FSTL5: variants seen among roughly 807,000 people sequenced by gnomAD.
FSTL5 encodes follistatin-related protein 5.
A neutral mutation model predicts 89.1 loss-of-function variants in FSTL5; 62 were observed. The observed-to-expected ratio is 0.70, with a 90% CI of 0.57 to 0.86. The LOEUF is 0.86. Ranked by LOEUF, FSTL5 falls within the 40% of genes least tolerant of loss-of-function variation. The pLI is 0.00. For missense variants in FSTL5, 1,057 were observed against 1,001.6 expected (o/e 1.06, Z -0.75); for synonymous variants, 383 against 346.2 (o/e 1.11, Z -1.18).
intron 10 of FSTL5, among the ~76,000 whole-genome samples, chr4:161,522,013 T>C (rs1364959701): frequency 6.6e-6 from 1 of 152,044 alleles, no homozygotes; most frequent in Non-Finnish European, 1.5e-5. Flanking sequence ...CATGCTAGAA[T>C]ATGACAAATA....
chr4:161,846,343 T>A (rs1731368741), intron 4 of FSTL5, among the ~76,000 whole-genome samples: 1 of 152,084 alleles, frequency 6.6e-6, no homozygotes, highest in South Asian at 2.1e-4. Context: ...AATTTAGTAC[T>A]TAAATTTGTG....
intron 2 of FSTL5, among the ~76,000 whole-genome samples, chr4:162,041,480 A>AAT (rs143465916): frequency 0.028 from 4,221 of 150,578 alleles, 52 homozygotes; most frequent in African/African-American, 0.031. Flanking sequence ...TAGCCTAATG[A>AAT]ATATATATAT....
At chr4:161,773,197 G>T (rs187242063) in intron 5 of FSTL5, among the ~76,000 whole-genome samples, 1 of 152,256 alleles carries the variant, frequency 6.6e-6, no homozygotes, top group East Asian at 1.9e-4. Flanking sequence ...ATCAACTCAA[G>T]ATGGATCAAG....
chr4:161,976,525 AG>A (rs1735650777), intron 3 of FSTL5, among the ~76,000 whole-genome samples: 1 of 152,114 alleles, frequency 6.6e-6, no homozygotes, highest in Non-Finnish European at 1.5e-5. Flanking sequence ...TCTGTCGCCC[AG>A]GCTGGAGTGC....
intron 8 of FSTL5, among the ~76,000 whole-genome samples, chr4:161,564,791 G>A (rs1362718915): frequency 6.6e-6 from 1 of 151,602 alleles, no homozygotes; most frequent in African/African-American, 2.4e-5. Context: ...GGTGTCAGGA[G>A]TGGTGTTATC....
rs145235837 is a variant in FSTL5 at position 162,155,397 on chromosome 4, A to G, written c.-17+8218T>C. Among the ~76,000 whole-genome samples, 3 of 152,290 alleles carry G rather than the reference A, an allele frequency of 2.0e-5. No individual in the cohort carries two copies. In the East Asian group the frequency reaches 5.8e-4, roughly 29 times the overall value. On this transcript the variant is annotated intron_variant, in intron 1 of 15. Coordinates refer to ENST00000306100, the MANE Select transcript of FSTL5 (RefSeq NM_020116.5). ...TGATCTTGGAGAATCTCAAGCCTCA[A>G]ATAAAAACCCAGGGCTGGCAGAAAC...
intron 8 of FSTL5, 50 bp from the exon 9 acceptor site, chr4:161,542,743 T>G: frequency 7.8e-7 from 1 of 1,285,262 alleles, no homozygotes; most frequent in Non-Finnish European, 1.0e-6. Context: ...ATATTTTCTA[T>G]TTAATTTTCC....
intron 2 of FSTL5, among the ~76,000 whole-genome samples, chr4:162,095,858 G>A (rs1455157128): frequency 2.0e-5 from 3 of 151,916 alleles, no homozygotes; most frequent in South Asian, 2.1e-4. Context: ...AAATACACAC[G>A]TTACATGTGT....
At chr4:161,875,682 C>G (rs2010873) in intron 4 of FSTL5, among the ~76,000 whole-genome samples, 145,620 of 152,284 alleles carry the variant, frequency 0.96, 69,918 homozygotes, top group Non-Finnish European at 1. Flanking sequence ...TCTTTGCTTT[C>G]CTGGATGTTT....
chr4:161,614,903 C>G (rs1734788654), intron 7 of FSTL5, among the ~76,000 whole-genome samples: 1 of 152,070 alleles, frequency 6.6e-6, no homozygotes, highest in Non-Finnish European at 1.5e-5. Flanking sequence ...TTATCTATTG[C>G]TACCTCTTAT....
intron 8 of FSTL5, among the ~76,000 whole-genome samples, chr4:161,582,107 A>G (rs942953501): frequency 2.0e-5 from 3 of 152,200 alleles, no homozygotes; most frequent in African/African-American, 7.2e-5. Flanking sequence ...ATAGACTTTT[A>G]TTTGGCTTAT....
At chr4:162,114,384 G>T (rs557335369) in intron 1 of FSTL5, among the ~76,000 whole-genome samples, 1 of 152,122 alleles carries the variant, frequency 6.6e-6, no homozygotes, top group Non-Finnish European at 1.5e-5. Flanking sequence ...AGTCAAGAAA[G>T]AGGCATGAAA....
Position 162,141,125 on chromosome 4 carries a change from T to C in FSTL5, c.-17+22490A>G, listed in dbSNP as rs1238177223. Among the ~76,000 whole-genome samples the C allele has an allele frequency of 6.8e-5, 7 of 103,562 alleles. 1 individual carries two copies. In the South Asian group the frequency reaches 2.0e-3, roughly 29 times the overall value. The allele number at this position is 103,562 out of a possible 152,430, so 67.9% of individuals were successfully genotyped here. ...TTCTCTCTTTTTTTTTTTTTTTTTTTTTTTTTTTTGAGACGGAGTTTCGCT... is the reference window on the plus strand; with the variant it reads ...TTCTCTCTTTTTTTTTTTTTTTTTTCTTTTTTTTTGAGACGGAGTTTCGCT... On this transcript the variant is annotated intron_variant, in intron 1 of 15. Transcript: ENST00000306100.
chr4:161,479,166 T>C (rs1316466507), intron 13 of FSTL5, among the ~76,000 whole-genome samples: 2 of 152,086 alleles, frequency 1.3e-5, no homozygotes, highest in African/African-American at 4.8e-5. Context: ...ATCTCCACAA[T>C]CATGATTGTA....
At chr4:162,125,836 C>A (rs940282277) in intron 1 of FSTL5, among the ~76,000 whole-genome samples, 1 of 151,910 alleles carries the variant, frequency 6.6e-6, no homozygotes, top group African/African-American at 2.4e-5. Flanking sequence ...ATTAAGATTG[C>A]TAATATATTT....
At chr4:161,541,657 TC>T (rs1731822320) in intron 9 of FSTL5, among the ~76,000 whole-genome samples, 1 of 151,980 alleles carries the variant, frequency 6.6e-6, no homozygotes, top group Admixed American at 6.6e-5. Flanking sequence ...ATTATATATA[TC>T]CACTATTAAA....
At chr4:161,667,304 C>T (rs908027754) in intron 6 of FSTL5, among the ~76,000 whole-genome samples, 1 of 152,166 alleles carries the variant, frequency 6.6e-6, no homozygotes, top group South Asian at 2.1e-4. Context: ...ACTTGGAAAA[C>T]AATTCTTTTT....
chr4:161,429,863 G>A (rs974682649), intron 15 of FSTL5, among the ~76,000 whole-genome samples: 3 of 151,868 alleles, frequency 2.0e-5, no homozygotes, highest in Non-Finnish European at 4.4e-5. Flanking sequence ...ATACCACACG[G>A]GAAAAAAATG....
At chr4:161,805,991 C>T (rs928754559) in intron 4 of FSTL5, among the ~76,000 whole-genome samples, 1 of 152,096 alleles carries the variant, frequency 6.6e-6, no homozygotes, top group African/African-American at 2.4e-5. Context: ...GTTAATCTCT[C>T]ACCATACCTA....
Sources: allele counts gnomAD v4.1 joint callset (sites outside exome capture counted in the v4.1 genomes callset), GRCh38; gene constraint gnomAD v4.1.1; transcripts MANE v1.5; gene names NCBI Gene and HGNC (gene_info 2026-07-23, HGNC 2026-07-21).